Variants in MRPL34 observed in about 807,000 individuals in gnomAD.
MRPL34 encodes the protein mitochondrial ribosomal protein L34, also known as large ribosomal subunit protein bL34m.
Under a neutral mutation model 6.7 loss-of-function variants are expected in MRPL34, and 8 were observed. That is an observed-to-expected ratio of 1.20 (90% CI 0.70 to 2.16). The LOEUF (loss-of-function observed/expected upper bound fraction) is 2.16. Ranked by LOEUF, MRPL34 falls within the 30% of genes most tolerant of loss-of-function variation. The probability of loss-of-function intolerance (pLI) is 0.00; values close to 1 mark genes in which losing one functional copy is unlikely to be tolerated. For missense variants in MRPL34, 146 were observed against 125.5 expected (o/e 1.16, Z -0.78); for synonymous variants, 59 against 55.1 (o/e 1.07, Z -0.31).
upstream of MRPL34, chr19:17,301,354 C>G: frequency 6.2e-7 from 1 of 1,610,076 alleles, no homozygotes; most frequent in Non-Finnish European, 8.5e-7. Flanking sequence ...CAGCAACCGC[C>G]CATTGCGGTA....
rs1226376349 is a variant in MRPL34, at chr19:17,306,149, T to TC, written c.66-14dup. 40 of 1,512,332 alleles carry TC rather than the reference T, an allele frequency of 2.6e-5. No individual in the cohort carries two copies. The highest frequency in any genetic ancestry group is 3.3e-5 in the Non-Finnish European group (37 of 1,132,310). The allele number at this position is 1,512,332 out of a possible 1,614,324, so 93.7% of individuals were successfully genotyped here. ...GCGCCCCGTCTGACCTTTCTCGCCG[T>TC]CCCTCTACCCACGCAGGTGGCTCCA... On this transcript the variant is annotated splice_polypyrimidine_tract_variant and intron_variant, in intron 1 of 1. Transcript: ENST00000252602.
At chr19:17,305,249 T>C (rs1250316047), upstream of MRPL34, among the ~76,000 whole-genome samples, 14 of 150,190 alleles carry the variant, frequency 9.3e-5, no homozygotes, top group South Asian at 2.9e-3. Flanking sequence ...TCCTTTTTTT[T>C]TTTTTTTTTT....
upstream of MRPL34, among the ~76,000 whole-genome samples, chr19:17,299,227 T>C (rs2074106072): frequency 9.0e-6 from 1 of 110,994 alleles, no homozygotes; most frequent in African/African-American, 3.7e-5. Flanking sequence ...CTGGGCAACA[T>C]AATGAGACCC....
chr19:17,299,987 C>T (rs912128482), upstream of MRPL34, among the ~76,000 whole-genome samples: 2 of 151,214 alleles, frequency 1.3e-5, no homozygotes, highest in African/African-American at 4.9e-5. Context: ...TCACTGCAAG[C>T]TCCGTCTCCC....
At chr19:17,294,868 T>C (rs1431632409) in intron 1 of MRPL34, 1 of 1,608,158 alleles carries the variant, frequency 6.2e-7, no homozygotes. Flanking sequence ...GGTGGGGTGA[T>C]AGGAGGATTG....
upstream of MRPL34, chr19:17,305,728 G>T (rs955688341): frequency 2.8e-6 from 2 of 726,344 alleles, no homozygotes; most frequent in Admixed American, 2.1e-5. Flanking sequence ...AGACTGGCGC[G>T]CCTCTGTTGC....
upstream of MRPL34, chr19:17,305,682 G>A: frequency 1.6e-6 from 1 of 611,162 alleles, no homozygotes; most frequent in Non-Finnish European, 2.9e-6. Flanking sequence ...CTACCTGTTG[G>A]TGTGTATGCA....
chr19:17,302,420 C>T (rs771701701), upstream of MRPL34, among the ~76,000 whole-genome samples: 1 of 152,236 alleles, frequency 6.6e-6, no homozygotes, highest in South Asian at 2.1e-4. Context: ...GGTATGCACT[C>T]ACTAACTCAC....
At chr19:17,294,634 G>A (rs2074085557) in intron 1 of MRPL34, 18 of 1,608,928 alleles carry the variant, frequency 1.1e-5, no homozygotes, top group Non-Finnish European at 1.4e-5. Context: ...GCCTGGGTTC[G>A]CCAGGGCCAG....
At chr19:17,294,741 G>GAGCAGA (rs1245152213) in intron 1 of MRPL34, 1 of 1,614,066 alleles carries the variant, frequency 6.2e-7, no homozygotes, top group Non-Finnish European at 8.5e-7. Context: ...GTTGAAGATT[G>GAGCAGA]AGCAGAAGCT....
chr19:17,301,686 C>G (rs891822402), upstream of MRPL34: 30 of 1,455,262 alleles, frequency 2.1e-5, no homozygotes, highest in African/African-American at 4.2e-4. Flanking sequence ...CACCGTGCAG[C>G]AGGCACTCCC....
At chr19:17,300,898 C>A (rs1392149270), upstream of MRPL34, 1 of 1,605,976 alleles carries the variant, frequency 6.2e-7, no homozygotes, top group Admixed American at 1.7e-5. Context: ...CTTGGCATAG[C>A]GCTTGAAGAT....
upstream of MRPL34, chr19:17,300,969 G>A: frequency 6.2e-7 from 1 of 1,613,512 alleles, no homozygotes; most frequent in East Asian, 2.2e-5. Flanking sequence ...GGGGCGCAGA[G>A]CTGGCCCCGT....
chr19:17,294,578 C>G (rs2074085293), intron 1 of MRPL34: 20 of 1,609,182 alleles, frequency 1.2e-5, no homozygotes, highest in Non-Finnish European at 1.7e-5. Context: ...GATGCCAGCC[C>G]TAGTCCCAGC....
At chr19:17,300,934 TAGA>T, upstream of MRPL34, 1 of 1,613,246 alleles carries the variant, frequency 6.2e-7, no homozygotes, top group Non-Finnish European at 8.5e-7. Flanking sequence ...AGCCAGCGCA[TAGA>T]AGGTGTAGGC....
chr19:17,293,759 G>T (rs1452392765), intron 1 of MRPL34, among the ~76,000 whole-genome samples: 1 of 151,360 alleles, frequency 6.6e-6, no homozygotes, highest in East Asian at 2.0e-4. Context: ...AGTGGTGCGA[G>T]CATGGCTCAC....
upstream of MRPL34, among the ~76,000 whole-genome samples, chr19:17,301,827 T>G (rs1350126478): frequency 6.6e-6 from 1 of 151,726 alleles, no homozygotes; most frequent in Non-Finnish European, 1.5e-5. Flanking sequence ...ACAGTCTCGC[T>G]TTGTCATCCA....
chr19:17,294,137 G>A lies in MRPL34; in HGVS notation c.214+1283G>A, dbSNP rs1006944370. On this transcript the variant is annotated intron_variant, in intron 1 of 2. Transcript: ENST00000595444. ...TTGCCTGGGGTCAGAACAAGATACA[G>A]CAACTAGAGGCCACGCCCACCCGGC... 6 of 897,240 alleles carry A rather than the reference G, an allele frequency of 6.7e-6. No individual in the cohort carries two copies. In the Admixed American group the frequency reaches 8.1e-5, roughly 12 times the overall value. 55.6% of individuals were successfully genotyped at this position (897,240 alleles called of 1,614,324 possible). A position where few individuals can be genotyped will look rare whatever the true frequency, so the allele number is the denominator to read the frequency against.
upstream of MRPL34, among the ~76,000 whole-genome samples, chr19:17,303,861 G>A (rs1013867571): frequency 6.6e-6 from 1 of 152,176 alleles, no homozygotes; most frequent in African/African-American, 2.4e-5. Context: ...CTCATAAAGG[G>A]CACAAGAGCA....
Sources: gnomAD v4.1 joint callset for allele counts (sites outside exome capture counted in the v4.1 genomes callset) on GRCh38, gnomAD v4.1.1 for gene constraint, MANE v1.5 for transcripts, NCBI Gene and HGNC (gene_info 2026-07-23, HGNC 2026-07-21) for gene names.